TCEA1: variants seen among roughly 807,000 people sequenced by gnomAD.
The protein encoded by TCEA1 is transcription elongation factor A protein 1.
TCEA1 carries 21 observed loss-of-function variants against 43.8 expected under a neutral mutation model. The ratio of observed to expected loss-of-function variants is 0.48; its 90% CI spans 0.34 to 0.69. The LOEUF (loss-of-function observed/expected upper bound fraction) is 0.69. Among genes scored for constraint, TCEA1 ranks in the 30% least tolerant of loss-of-function variants. The probability of loss-of-function intolerance (pLI) is 0.01; values close to 1 mark genes in which losing one functional copy is unlikely to be tolerated. For synonymous variants in TCEA1, 104 were observed against 117.5 expected (o/e 0.88, Z 0.75); for missense variants, 250 against 365.1 (o/e 0.68, Z 2.57).
chr8:54,010,298 T>C, intron 2 of TCEA1, 132 bp downstream of exon 2: 1 of 612,704 alleles, frequency 1.6e-6, no homozygotes, highest in South Asian at 2.1e-5. Context: ...TTGCCATCTT[T>C]AAAAAAAAAT....
At chr8:54,003,562 T>C (rs1804342588) in intron 2 of TCEA1, among the ~76,000 whole-genome samples, 1 of 152,210 alleles carries the variant, frequency 6.6e-6, no homozygotes, top group Non-Finnish European at 1.5e-5. Context: ...TCAACTGATT[T>C]TAGATAAGGA....
chr8:54,012,962 CAAAAAAAAAAAA>C (rs72062714), intron 1 of TCEA1, among the ~76,000 whole-genome samples: 1 of 76,966 alleles, frequency 1.3e-5, no homozygotes, highest in African/African-American at 4.2e-5. Flanking sequence ...ACGACGACGA[CAAAAAAAAAAAA>C]AAAAAAAAAA....
intron 7 of TCEA1, among the ~76,000 whole-genome samples, chr8:53,983,698 G>A (rs909270666): frequency 6.6e-6 from 1 of 152,004 alleles, no homozygotes; most frequent in Non-Finnish European, 1.5e-5. Flanking sequence ...TCAATATGAT[G>A]TGACCAATTT....
rs768333453 is a variant in TCEA1, at chr8:53,968,196, T to C, written c.898-84A>G. The C allele has an allele frequency of 4.5e-5, 48 of 1,062,704 alleles. 1 individual carries two copies. The highest frequency in any genetic ancestry group is 5.5e-5 in the Non-Finnish European group (42 of 763,734). The allele number at this position is 1,062,704 out of a possible 1,614,324, so 65.8% of individuals were successfully genotyped here. Reference sequence around the variant, plus strand: ...CATTTAATACAGCATACACCTGATATTGCTTTTAAAAAAGATGCATTTTTG... The same window carrying C: ...CATTTAATACAGCATACACCTGATACTGCTTTTAAAAAAGATGCATTTTTG... On this transcript the variant is annotated intron_variant, in intron 9 of 9. Coordinates refer to ENST00000521604, the MANE Select transcript of TCEA1 (RefSeq NM_006756.4).
rs954443245 is a variant in TCEA1, at chr8:53,973,021, A to G, written c.826-2558T>C. 1.6e-5 allele frequency: 11 copies of G among 673,858 alleles called. No individual in the cohort carries two copies. In the African/African-American group the frequency reaches 1.9e-4, roughly 12 times the overall value. The allele number at this position is 673,858 out of a possible 1,614,324, so 41.7% of individuals were successfully genotyped here. A position where few individuals can be genotyped will look rare whatever the true frequency, so the allele number is the denominator to read the frequency against. ...TGAGACTGAACATGAAAGAATTACA[A>G]CACTCAACAGGAAGCTTAAAAGGAA... On this transcript the variant is annotated intron_variant, in intron 8 of 9. Transcript: ENST00000521604.
chr8:53,998,158 T>C (rs374529865), intron 3 of TCEA1, among the ~76,000 whole-genome samples: 25 of 152,314 alleles, frequency 1.6e-4, no homozygotes, highest in African/African-American at 6.0e-4. Context: ...ATATGTAAGA[T>C]AAAATTGCTC....
At chr8:53,993,127 ATTTTTT>A (rs11306062) in intron 4 of TCEA1, among the ~76,000 whole-genome samples, 3 of 84,184 alleles carry the variant, frequency 3.6e-5, no homozygotes, top group African/African-American at 9.6e-5. Context: ...TACATGGCTA[ATTTTTT>A]TTTTTTTTTT....
intron 1 of TCEA1, among the ~76,000 whole-genome samples, chr8:54,020,049 A>G (rs935522052): frequency 6.6e-6 from 1 of 152,230 alleles, no homozygotes; most frequent in African/African-American, 2.4e-5. Context: ...GCAGATAAAT[A>G]TGAATTTATC....
intron 1 of TCEA1, among the ~76,000 whole-genome samples, chr8:54,015,230 C>T (rs1212751649): frequency 2.0e-5 from 3 of 151,210 alleles, no homozygotes; most frequent in Admixed American, 6.6e-5. Context: ...AGTGCAGTGG[C>T]GTGATCTCAG....
At chr8:54,004,355 A>G (rs1394147160) in intron 2 of TCEA1, among the ~76,000 whole-genome samples, 1 of 152,248 alleles carries the variant, frequency 6.6e-6, no homozygotes, top group Non-Finnish European at 1.5e-5. Flanking sequence ...AGTGTGATAC[A>G]TAACAGCCAA....
chr8:53,981,375 C>T (rs1363567266), intron 7 of TCEA1, among the ~76,000 whole-genome samples: 1 of 152,176 alleles, frequency 6.6e-6, no homozygotes, highest in African/African-American at 2.4e-5. Flanking sequence ...CTTTGAAGGA[C>T]TCTCTTGTTA....
At chr8:53,998,339 T>C (rs565601176) in intron 3 of TCEA1, among the ~76,000 whole-genome samples, 1 of 152,306 alleles carries the variant, frequency 6.6e-6, no homozygotes, top group Admixed American at 6.5e-5. Flanking sequence ...GACCTTTCTG[T>C]ACTTTTTTTT....
rs963981618 is a variant in TCEA1 at position 53,984,541 on chromosome 8, G to A, written c.524-24C>T. ...AGGTACCAGGCCGTTAAGGAAAAAA[G>A]GCAAAATTACAAAAGTAAGATCACT... On this transcript the variant is annotated intron_variant, in intron 6 of 9. Transcript: ENST00000521604. The A allele has an allele frequency of 6.6e-6, 10 of 1,524,460 alleles. No homozygotes were observed. In the Admixed American group the frequency reaches 1.9e-4, roughly 29 times the overall value. 94.4% of individuals were successfully genotyped at this position (1,524,460 alleles called of 1,614,324 possible).
chr8:53,995,072 A>T (rs1181430885), intron 3 of TCEA1, among the ~76,000 whole-genome samples: 1 of 152,074 alleles, frequency 6.6e-6, no homozygotes, highest in Non-Finnish European at 1.5e-5. Context: ...AGGCTGAGGC[A>T]GGTGGATCAC....
chr8:54,001,457 A>C (rs1254699882), intron 2 of TCEA1, among the ~76,000 whole-genome samples: 1 of 152,216 alleles, frequency 6.6e-6, no homozygotes, highest in African/African-American at 2.4e-5. Flanking sequence ...AAAGCTGAGC[A>C]AAACAGACAA....
chr8:53,994,571 TAAGACTTA>T (rs1214087393), intron 3 of TCEA1, among the ~76,000 whole-genome samples: 2 of 152,038 alleles, frequency 1.3e-5, no homozygotes, highest in Non-Finnish European at 2.9e-5. Context: ...GCACAAGCTT[TAAGACTTA>T]AAGAGGCGGC....
chr8:53,968,996 A>G (rs1803072777), intron 9 of TCEA1, among the ~76,000 whole-genome samples: 1 of 152,082 alleles, frequency 6.6e-6, no homozygotes, highest in Non-Finnish European at 1.5e-5. Flanking sequence ...TTTGTACGTA[A>G]TAAGGGTACT....
Position 53,999,948 on chromosome 8 carries a change from A to G in TCEA1, c.229T>C (p.Leu77=), listed in dbSNP as rs138443384. 1.7e-4 allele frequency: 264 copies of G among 1,569,890 alleles called. No individual in the cohort carries two copies. The African/African-American group carries it at 3.1e-3, about 18-fold the overall frequency. The change falls in exon 3 of 10, where the codon TTA becomes CTA. Residue 77 remains leucine, a synonymous_variant. Coordinates refer to ENST00000521604, the MANE Select transcript of TCEA1 (RefSeq NM_006756.4). ...TGTAAGGGAAGATCAATGATACCTA[A>G]TAATTTTTTCCAGGATTTGATGAGA... is the stretch of plus-strand genomic sequence containing the variant. ...KSLIKSWKKL[L]DGPSTEKDLD... is the part of the protein sequence containing the mutation.
intron 1 of TCEA1, among the ~76,000 whole-genome samples, chr8:54,012,167 G>C (rs1359458313): frequency 2.0e-5 from 3 of 152,180 alleles, no homozygotes; most frequent in African/African-American, 7.2e-5. Flanking sequence ...AAGATTTCTA[G>C]ATTTCTCATA....
Sources: allele counts gnomAD v4.1 joint callset (sites outside exome capture counted in the v4.1 genomes callset), GRCh38; gene constraint gnomAD v4.1.1; transcripts MANE v1.5; gene names NCBI Gene and HGNC (gene_info 2026-07-23, HGNC 2026-07-21).